Variants in BARD1 observed in about 807,000 individuals in gnomAD.
BARD1 encodes BRCA1-associated RING domain protein 1.
Under a neutral mutation model 77.0 loss-of-function variants are expected in BARD1, and 73 were observed. That is an observed-to-expected ratio of 0.95 (90% CI 0.79 to 1.15). BARD1 has a LOEUF of 1.15. Among genes scored for constraint, BARD1 ranks in the 50% most tolerant of loss-of-function variants. The probability of loss-of-function intolerance (pLI) is 0.00; values close to 1 mark genes in which losing one functional copy is unlikely to be tolerated. For synonymous variants in BARD1, 384 were observed against 338.0 expected (o/e 1.14, Z -1.49); for missense variants, 993 against 938.8 (o/e 1.06, Z -0.75).
Position 214,780,925 on chromosome 2 carries a change from C to T in BARD1, c.949G>A (p.Glu317Lys), listed in dbSNP as rs1559424451. Residue 317 changes from glutamate to lysine, a missense_variant, in exon 4 of 11, where the codon GAA (glutamate) becomes AAA (lysine). By Grantham distance (56) the Glu-to-Lys change is moderately conservative. Coordinates refer to ENST00000260947, the MANE Select transcript of BARD1 (RefSeq NM_000465.4). ...YLTSKKSLPLENNGKRGHHNR... is the reference protein window; with the variant it reads ...YLTSKKSLPLKNNGKRGHHNR... ...TGATGGCCACGTTTTCCATTATTTT[C>T]TAATGGCAAAGATTTCTTAGATGTA... 1 of 1,613,982 alleles carries T rather than the reference C, an allele frequency of 6.2e-7. No homozygotes were observed. The highest frequency in any genetic ancestry group is 2.2e-5 in the East Asian group (1 of 44,874).
chr2:214,808,276 GC>G (rs2106167388), intron 1 of BARD1, among the ~76,000 whole-genome samples: 1 of 152,320 alleles, frequency 6.6e-6, no homozygotes, highest in South Asian at 2.1e-4. Context: ...GGGCATGATG[GC>G]GGGCGCCTGC....
At chr2:214,783,642 A>C (rs974162282) in intron 3 of BARD1, among the ~76,000 whole-genome samples, 1 of 152,118 alleles carries the variant, frequency 6.6e-6, no homozygotes, top group Admixed American at 6.6e-5. Context: ...AGACGGGTTG[A>C]TAGGTGCGGC....
Position 214,761,020 on chromosome 2 carries a change from C to A in BARD1, c.1568+6462G>T, listed in dbSNP as rs1336820576. 2.6e-5 allele frequency among the ~76,000 whole-genome samples: 4 copies of A among 151,086 alleles called. No homozygotes were observed. The East Asian group carries it at 7.8e-4, about 29-fold the overall frequency. ...CGATCTCCTGACCTCGGGATCCACCCGCCTTGGCTTCTCAATCCACAGGGA... is the reference window on the plus strand; with the variant it reads ...CGATCTCCTGACCTCGGGATCCACCAGCCTTGGCTTCTCAATCCACAGGGA... On this transcript the variant is annotated intron_variant, in intron 6 of 10. Transcript: ENST00000260947.
In BARD1 at chr2:214,728,841, A is replaced by G. The variant is rs779808630; in HGVS notation, c.2169T>C (p.His723=). ...AGCGCTGATCAGAATCGGGTCTCGC[A>G]TGGTATGCGACTGTATTGATGGTCT... is the stretch of plus-strand genomic sequence containing the variant. The part of the protein sequence containing the change: ...VTQTINTVAY[H]ARPDSDQRFC... Residue 723 remains histidine (H), a synonymous_variant, in exon 11 of 11, where the codon CAT becomes CAC. Coordinates refer to ENST00000260947, the MANE Select transcript of BARD1 (RefSeq NM_000465.4). The G allele has an allele frequency of 1.1e-5, 17 of 1,614,078 alleles. No individual in the cohort carries two copies. The highest frequency in any genetic ancestry group is 4.5e-5 in the East Asian group (2 of 44,888).
intron 4 of BARD1, among the ~76,000 whole-genome samples, chr2:214,769,997 C>T (rs540007799): frequency 2.7e-4 from 41 of 152,160 alleles, no homozygotes; most frequent in Non-Finnish European, 4.6e-4. Flanking sequence ...ACAACCAAAA[C>T]TGTTTAGCCC....
chr2:214,731,420 C>T (rs758904514), intron 9 of BARD1, among the ~76,000 whole-genome samples: 4 of 152,156 alleles, frequency 2.6e-5, no homozygotes, highest in Non-Finnish European at 5.9e-5. Flanking sequence ...CTGTTTACCA[C>T]CAAGCGAGGG....
intron 7 of BARD1, among the ~76,000 whole-genome samples, chr2:214,746,943 T>C (rs1056950176): frequency 2.0e-5 from 3 of 152,208 alleles, no homozygotes; most frequent in Non-Finnish European, 4.4e-5. Context: ...AGAAAATTTT[T>C]GCAACCTACT....
At position 214,728,724 on chromosome 2, in the gene BARD1, C is replaced by G; in HGVS notation, c.2286G>C (p.Trp762Cys). ...QGKVWKAPSS[W>C]FIDCVMSFEL... ...CAAAGGACATCACACAGTCTATAAA[C>G]CAGCTCGAAGGAGCCTTCCAGACTT... Residue 762 changes from tryptophan (W) to cysteine (C), a missense_variant, in exon 11 of 11, where the codon TGG becomes TGC. Transcript: ENST00000260947. 6.2e-7 allele frequency: 1 copy of G among 1,614,188 alleles called. No homozygotes were observed. The highest frequency in any genetic ancestry group is 8.5e-7 in the Non-Finnish European group (1 of 1,180,028).
At chr2:214,762,196 A>C (rs1318241902) in intron 6 of BARD1, among the ~76,000 whole-genome samples, 4 of 152,218 alleles carry the variant, frequency 2.6e-5, no homozygotes, top group African/African-American at 9.6e-5. Flanking sequence ...AATTGTTTAA[A>C]ATATTGTATA....
chr2:214,769,935 T>C (rs923750950), intron 4 of BARD1, among the ~76,000 whole-genome samples: 1 of 152,186 alleles, frequency 6.6e-6, no homozygotes, highest in Non-Finnish European at 1.5e-5. Context: ...ATTTCACTTG[T>C]GAAAAAAACA....
At chr2:214,788,120 G>A (rs576251901) in intron 3 of BARD1, among the ~76,000 whole-genome samples, 11 of 151,796 alleles carry the variant, frequency 7.2e-5, no homozygotes, top group Non-Finnish European at 1.0e-4. Flanking sequence ...ACAGAAAGAC[G>A]AGCATCTCTC....
At chr2:214,807,837 G>A (rs1696346709) in intron 1 of BARD1, among the ~76,000 whole-genome samples, 2 of 152,212 alleles carry the variant, frequency 1.3e-5, no homozygotes, top group South Asian at 4.1e-4. Flanking sequence ...TTCCACATAG[G>A]TATGTGCCAA....
At chr2:214,777,841 C>A (rs899942252) in intron 4 of BARD1, among the ~76,000 whole-genome samples, 2 of 152,178 alleles carry the variant, frequency 1.3e-5, no homozygotes, top group Admixed American at 6.5e-5. Context: ...TATGTGTACA[C>A]ATAGATTTAT....
chr2:214,779,845 T>C (rs1461026271), intron 4 of BARD1, among the ~76,000 whole-genome samples: 1 of 152,212 alleles, frequency 6.6e-6, no homozygotes, highest in Non-Finnish European at 1.5e-5. Context: ...TTGCATGAAA[T>C]CACAGAGCAA....
At chr2:214,730,983 T>A (rs1266585170) in intron 9 of BARD1, 8 of 449,682 alleles carry the variant, frequency 1.8e-5, no homozygotes, top group Non-Finnish European at 3.6e-5. Flanking sequence ...TGAAGGAATG[T>A]GCTTTAGTCT....
At chr2:214,754,487 T>G (rs1454435892) in intron 6 of BARD1, among the ~76,000 whole-genome samples, 1 of 152,082 alleles carries the variant, frequency 6.6e-6, no homozygotes, top group East Asian at 1.9e-4. Flanking sequence ...CACATTAGCA[T>G]AGTTATTTTA....
At chr2:214,776,259 G>A (rs1242983015) in intron 4 of BARD1, among the ~76,000 whole-genome samples, 1 of 152,108 alleles carries the variant, frequency 6.6e-6, no homozygotes, top group Non-Finnish European at 1.5e-5. Context: ...GGGAAGGTCA[G>A]GATGGCACAA....
chr2:214,785,833 GACAA>G (rs1432568758), intron 3 of BARD1, among the ~76,000 whole-genome samples: 2 of 151,928 alleles, frequency 1.3e-5, no homozygotes, highest in Non-Finnish European at 2.9e-5. Flanking sequence ...CATGCTGCCT[GACAA>G]ACATTCTCCT....
intron 2 of BARD1, among the ~76,000 whole-genome samples, chr2:214,796,391 T>TGA (rs1396221910): frequency 6.6e-6 from 1 of 152,150 alleles, no homozygotes; most frequent in Admixed American, 6.5e-5. Context: ...AACATTAGGG[T>TGA]GAGCCCTTAA....
Sources: gnomAD v4.1 joint callset for allele counts (sites outside exome capture counted in the v4.1 genomes callset) on GRCh38, gnomAD v4.1.1 for gene constraint, MANE v1.5 for transcripts, NCBI Gene and HGNC (gene_info 2026-07-23, HGNC 2026-07-21) for gene names.